Variants in AKAP6 observed in about 807,000 individuals in gnomAD.
The protein encoded by AKAP6 is A-kinase anchoring protein 6, also known as A-kinase anchor protein 6.
AKAP6 carries 58 observed loss-of-function variants against 188.5 expected under a neutral mutation model. That is an observed-to-expected ratio of 0.31 (90% CI 0.25 to 0.38). AKAP6 has a LOEUF of 0.38. Ranked by LOEUF, AKAP6 falls within the 10% of genes least tolerant of loss-of-function variation. AKAP6 has a pLI of 1.00. For synonymous variants in AKAP6, 989 were observed against 998.6 expected, an observed-to-expected ratio of 0.99 and a Z score of 0.18; for missense variants, 2,710 against 2,740.0, an observed-to-expected ratio of 0.99 and a Z score of 0.24.
intron 9 of AKAP6, among the ~76,000 whole-genome samples, chr14:32,728,647 A>G (rs1268225141): frequency 6.6e-6 from 1 of 152,164 alleles, no homozygotes; most frequent in Non-Finnish European, 1.5e-5. Flanking sequence ...TAATCAAGAA[A>G]TGTCTTTAGT....
intron 11 of AKAP6, among the ~76,000 whole-genome samples, chr14:32,750,743 T>TTG (rs1397541022): frequency 9.3e-5 from 13 of 140,224 alleles, no homozygotes; most frequent in South Asian, 4.6e-4. Flanking sequence ...TTTTGTTTTT[T>TTG]TTTTTTTGTT....
chr14:32,796,055 T>A (rs1364528361), intron 12 of AKAP6, among the ~76,000 whole-genome samples: 1 of 151,930 alleles, frequency 6.6e-6, no homozygotes, highest in Admixed American at 6.6e-5. Context: ...GTATAAAATA[T>A]GTAGGAATAT....
Position 32,643,448 on chromosome 14 carries a change from T to C in AKAP6, c.2731-34863T>C, listed in dbSNP as rs143623695. Among the ~76,000 whole-genome samples, 838 of 151,888 alleles carry C rather than the reference T, an allele frequency of 5.5e-3. 13 individuals carry two copies. Among genetic ancestry groups the C allele is most frequent in the African/African-American group, 0.019 (774 of 41,470 alleles). ...TCAGCCTCCTGAGTAGCTGGGATTATAGGCACCCACCACCATGCCCAGCTA... is the reference window on the plus strand; with the variant it reads ...TCAGCCTCCTGAGTAGCTGGGATTACAGGCACCCACCACCATGCCCAGCTA... On this transcript the variant is annotated intron_variant, in intron 7 of 13. Transcript: ENST00000280979.
chr14:32,724,261 T>A (rs532778885), intron 9 of AKAP6, among the ~76,000 whole-genome samples: 10 of 152,322 alleles, frequency 6.6e-5, no homozygotes, highest in Middle Eastern at 3.4e-3. Flanking sequence ...AAATATTTAA[T>A]AAGAATGGAC....
chr14:32,469,196 A>G lies in AKAP6; in HGVS notation c.324+35379A>G, dbSNP rs183179315. 5.5e-4 allele frequency among the ~76,000 whole-genome samples: 83 copies of G among 152,286 alleles called. 2 individuals are homozygous for G. The highest frequency in any genetic ancestry group is 5.0e-3 in the Admixed American group (77 of 15,286). On this transcript the variant is annotated intron_variant, in intron 2 of 13. Transcript: ENST00000280979. ...AGGCATTGCCTGGTAAAGTTCATCA[A>G]CTTGCTTTGAAGAAGTCCTGTGAAA... is the stretch of plus-strand genomic sequence containing the variant.
At chr14:32,600,255 C>G (rs1157240027) in intron 6 of AKAP6, among the ~76,000 whole-genome samples, 1 of 152,118 alleles carries the variant, frequency 6.6e-6, no homozygotes, top group East Asian at 1.9e-4. Flanking sequence ...TTTCCATAGA[C>G]AATTTTTATC....
chr14:32,824,750 C>T lies in AKAP6; in HGVS notation c.6937C>T (p.Arg2313Ter), dbSNP rs777113901. The part of the protein sequence containing the change: ...EENLLNLHEK[R>*]HRNMHR ...AAATCTTCTAAACCTTCATGAAAAA[C>T]GACATAGAAATATGCATAGGTAGAA... Residue 2313 changes from arginine (R) to a stop codon, truncating the protein, a stop_gained, in exon 13 of 14, where the codon CGA becomes TGA. Coordinates refer to ENST00000280979, the MANE Select transcript of AKAP6 (RefSeq NM_004274.5). LOFTEE classifies it high-confidence loss of function. The T allele has an allele frequency of 3.1e-6, 5 of 1,612,224 alleles. No individual in the cohort carries two copies. Among genetic ancestry groups the T allele is most frequent in the East Asian group, 2.2e-5 (1 of 44,872 alleles).
intron 2 of AKAP6, among the ~76,000 whole-genome samples, chr14:32,491,932 G>C (rs1448497059): frequency 6.6e-6 from 1 of 152,004 alleles, no homozygotes; most frequent in Non-Finnish European, 1.5e-5. Context: ...CCATTAAAAG[G>C]CCTGTAGAAG....
chr14:32,540,676 G>A (rs1192646862), intron 3 of AKAP6, among the ~76,000 whole-genome samples: 1 of 152,072 alleles, frequency 6.6e-6, no homozygotes, highest in Non-Finnish European at 1.5e-5. Flanking sequence ...ATGTATACAC[G>A]TTAGAAAACT....
chr14:32,728,352 A>T (rs1594887912), intron 9 of AKAP6, among the ~76,000 whole-genome samples: 1 of 36,394 alleles, frequency 2.7e-5, no homozygotes, highest in African/African-American at 7.6e-5. Flanking sequence ...AGTGTATTCT[A>T]TCTATCTATC....
chr14:32,343,328 G>C (rs1009586736), intron 1 of AKAP6, among the ~76,000 whole-genome samples: 3 of 152,082 alleles, frequency 2.0e-5, no homozygotes, highest in Non-Finnish European at 4.4e-5. Context: ...TGGAGACCCA[G>C]ATTATTCAGA....
At position 32,823,450 on chromosome 14, in the gene AKAP6, G is replaced by A; in HGVS notation, c.5637G>A (p.Lys1879=). The A allele has an allele frequency of 6.2e-7, 1 of 1,613,298 alleles. No individual in the cohort carries two copies. Among genetic ancestry groups the A allele is most frequent in the East Asian group, 2.2e-5 (1 of 44,858 alleles). ...AGTTAGGGACAAAGCGTGAAAATAA[G>A]AAAACTATTTTCAAAGTTAATAAAG... ...THELGTKREN[K]KTIFKVNKDP... is the part of the protein sequence containing the mutation. The change falls in exon 13 of 14, where the codon AAG becomes AAA. Residue 1879 remains lysine (K), a synonymous_variant. Transcript: ENST00000280979.
chr14:32,470,290 A>C (rs1878701280), intron 2 of AKAP6, among the ~76,000 whole-genome samples: 2 of 152,306 alleles, frequency 1.3e-5, no homozygotes, highest in South Asian at 4.2e-4. Flanking sequence ...TCAGATGCAC[A>C]TTAAGATTTG....
intron 2 of AKAP6, among the ~76,000 whole-genome samples, chr14:32,508,245 T>A (rs1203631250): frequency 6.6e-6 from 1 of 152,140 alleles, no homozygotes; most frequent in Non-Finnish European, 1.5e-5. Flanking sequence ...GTGAAAGAGG[T>A]AATTATTGGT....
chr14:32,397,710 G>A (rs1888926945), intron 1 of AKAP6, among the ~76,000 whole-genome samples: 1 of 152,182 alleles, frequency 6.6e-6, no homozygotes. Context: ...TCACTGGAAA[G>A]AAAGCACTAT....
At chr14:32,818,162 C>G (rs2034434849) in intron 12 of AKAP6, among the ~76,000 whole-genome samples, 1 of 152,096 alleles carries the variant, frequency 6.6e-6, no homozygotes, top group Admixed American at 6.6e-5. Context: ...TGAATCCTGT[C>G]AGATATTTCC....
At chr14:32,412,793 A>G (rs1193290965) in intron 1 of AKAP6, among the ~76,000 whole-genome samples, 1 of 152,202 alleles carries the variant, frequency 6.6e-6, no homozygotes, top group African/African-American at 2.4e-5. Context: ...GATCAATAAC[A>G]CACACCACGG....
At chr14:32,652,778 T>A (rs1566627001) in intron 7 of AKAP6, among the ~76,000 whole-genome samples, 2 of 152,154 alleles carry the variant, frequency 1.3e-5, no homozygotes, top group Non-Finnish European at 2.9e-5. Flanking sequence ...ATTAGAGTGG[T>A]GCAGTGGCTC....
At chr14:32,779,411 G>C (rs1232672934) in intron 12 of AKAP6, among the ~76,000 whole-genome samples, 4 of 11,922 alleles carry the variant, frequency 3.4e-4, no homozygotes, top group Non-Finnish European at 5.7e-4. Context: ...CTCTGTCTCA[G>C]GACCAAAAAA....
Sources: gnomAD v4.1 joint callset for allele counts (sites outside exome capture counted in the v4.1 genomes callset) on GRCh38, gnomAD v4.1.1 for gene constraint, MANE v1.5 for transcripts, NCBI Gene and HGNC (gene_info 2026-07-23, HGNC 2026-07-21) for gene names.